KMT2D: variants seen among roughly 807,000 people sequenced by gnomAD.
KMT2D encodes the protein histone-lysine N-methyltransferase 2D.
Under a neutral mutation model 512.7 loss-of-function variants are expected in KMT2D, and 55 were observed. The ratio of observed to expected loss-of-function variants is 0.11; its 90% confidence interval spans 0.09 to 0.13. The LOEUF is 0.13. KMT2D is among the 10% of genes least tolerant of loss of function. The pLI is 1.00. For missense variants in KMT2D, 6,061 were observed against 7,127.9 expected (o/e 0.85, Z 5.39); for synonymous variants, 2,995 against 2,904.0 (o/e 1.03, Z -1.01).
In KMT2D at chr12:49,021,462, G is replaced by C. The variant is rs552632325; in HGVS notation, c.*318C>G. ...TCTTCCCCCACCCTGCTGCCTCCCA[G>C]ATGCTTCTGGGTAGTTCCCGGCCCA... On this transcript the variant is annotated 3_prime_UTR_variant, in exon 55 of 55. Transcript: ENST00000301067. 1.4e-4 allele frequency: 55 copies of C among 391,228 alleles called. No homozygotes were observed. The highest frequency in any genetic ancestry group is 1.0e-3 in the African/African-American group (50 of 49,444). 24.2% of individuals were successfully genotyped at this position (391,228 alleles called of 1,614,324 possible).
chr12:49,022,249 A>G lies in KMT2D; in HGVS notation c.16412+31T>C, dbSNP rs1163882409. 6.3e-7 allele frequency: 1 copy of G among 1,589,016 alleles called. No homozygotes were observed. On this transcript the variant is annotated intron_variant, in intron 53 of 54. Coordinates refer to ENST00000301067, the MANE Select transcript of KMT2D (RefSeq NM_003482.4). This position sits in a 1 kb window ranked among gnomAD's most constrained non-coding sequence, Gnocchi z 8.6. The stretch of plus-strand genomic sequence containing the variant: ...CCCCAGAGTGCCACTCTCAGGGACC[A>G]CTAAATCCCTCCTTCCTCGTCATCT...
rs572158148 is a variant in KMT2D, at chr12:49,034,485, A to T, written c.10441-9T>A. The T allele has an allele frequency of 4.9e-4, 789 of 1,613,416 alleles. 13 individuals are homozygous for T. In the South Asian group the frequency reaches 8.2e-3, roughly 17 times the overall value. On this transcript the variant is annotated splice_polypyrimidine_tract_variant and intron_variant, in intron 37 of 54. Transcript: ENST00000301067. ...TCACCAGCACTCCGCTCCTGCAATG[A>T]GAGAGGCTGCTAAAGGGTCATTGTT...
At position 49,044,718 on chromosome 12, in the gene KMT2D, C is replaced by T. The variant is rs1273680338; in HGVS notation, c.4963+26G>A. On this transcript the variant is annotated intron_variant, in intron 20 of 54. Transcript: ENST00000301067. This position sits in a 1 kb window ranked among gnomAD's most constrained non-coding sequence, Gnocchi z 6.4. ...CAGAGTCACGCTCCCCCTACTCTGC[C>T]GCTCCCTAAGATTCCCCAAGCTAAC... The T allele has an allele frequency of 1.1e-5, 17 of 1,601,366 alleles. No homozygotes were observed. Among genetic ancestry groups the T allele is most frequent in the Middle Eastern group, 1.7e-4 (1 of 6,032 alleles).
At position 49,032,319 on chromosome 12, in the gene KMT2D, G is replaced by T; in HGVS notation, c.12386C>A (p.Ser4129Tyr). 2 of 1,613,890 alleles carry T rather than the reference G, an allele frequency of 1.2e-6. No homozygotes were observed. The highest frequency in any genetic ancestry group is 8.5e-7 in the Non-Finnish European group (1 of 1,179,826). ...GGGCTGAGCCAGCAGGTGGGGCACA[G>T]ATGAGGCCTCAGAAGATGATCCACT... The part of the protein sequence containing the change: ...LGSGSSSEAS[S>Y]VPHLLAQPSV... The change falls in exon 40 of 55, where the codon TCT becomes TAT. Residue 4129 changes from serine (S) to tyrosine (Y), a missense_variant. Physicochemically the swap from Ser to Tyr is moderately radical, Grantham distance 144. Around this residue, in one of 16 missense-constraint regions of KMT2D, gnomAD observed 1,600 missense variants for 1,754.9 expected, o/e 0.91. Transcript: ENST00000301067.
rs772454314 is a variant in KMT2D, at chr12:49,041,545, G to T, written c.6235-10C>A. 1 of 1,613,302 alleles carries T rather than the reference G, an allele frequency of 6.2e-7. No individual in the cohort carries two copies. The highest frequency in any genetic ancestry group is 8.5e-7 in the Non-Finnish European group (1 of 1,179,552). On this transcript the variant is annotated splice_polypyrimidine_tract_variant and intron_variant, in intron 31 of 54. Transcript: ENST00000301067. The surrounding 1 kb of genome is among the most constrained non-coding windows in gnomAD (Gnocchi z 5.4). ...TCTGGCTCTCAGCCTGCTACAGGGGGAGACCAGGCATAGGGCAGTCAGGCT... is the reference window on the plus strand; with the variant it reads ...TCTGGCTCTCAGCCTGCTACAGGGGTAGACCAGGCATAGGGCAGTCAGGCT...
rs778370237 is a variant in KMT2D, at chr12:49,039,405, G to A, written c.8229+30C>T. On this transcript the variant is annotated intron_variant, in intron 33 of 54. Coordinates refer to ENST00000301067, the MANE Select transcript of KMT2D (RefSeq NM_003482.4). This position sits in a 1 kb window ranked among gnomAD's most constrained non-coding sequence, Gnocchi z 5.0. ...AAGGTGGAGCAACCTTCAATATCCT[G>A]GCCCCACTATCCCTTGCCACTCTAC... The A allele has an allele frequency of 3.1e-6, 5 of 1,604,404 alleles. No individual in the cohort carries two copies. The highest frequency in any genetic ancestry group is 1.1e-5 in the South Asian group (1 of 90,048).
Position 49,051,214 on chromosome 12 carries a change from GCA to G in KMT2D, c.2467_2468del (p.Cys823LeufsTer6). ...PHLSPVPEEP[C>X]LSPQPEESHL... is the part of the protein sequence containing the mutation. The stretch of plus-strand genomic sequence containing the variant: ...GTGATTCCTCAGGTTGGGGGGACAA[GCA>G]TGGCTCCTCAGGCACAGGAGACAGG... On this transcript the variant is annotated frameshift_variant, in exon 11 of 55. Transcript: ENST00000301067. LOFTEE classifies it high-confidence loss of function. 1.3e-6 allele frequency: 2 copies of G among 1,513,140 alleles called. No homozygotes were observed. The highest frequency in any genetic ancestry group is 1.4e-5 in the African/African-American group (1 of 71,174). 93.7% of individuals were successfully genotyped at this position (1,513,140 alleles called of 1,614,324 possible).
In KMT2D at chr12:49,034,270, ACTC is replaced by A; in HGVS notation, c.10534_10536del (p.Glu3512del). On this transcript the variant is annotated inframe_deletion, in exon 39 of 55. Transcript: ENST00000301067. ...AGGAGCTGCTGGGTATGGAACAGCC[ACTC>A]CTCATACTGCCGCTGGTCAGCTTCA... 1 of 1,613,096 alleles carries A rather than the reference ACTC, an allele frequency of 6.2e-7. No homozygotes were observed. Among genetic ancestry groups the A allele is most frequent in the South Asian group, 1.1e-5 (1 of 91,062 alleles).
In KMT2D at chr12:49,019,940, A is replaced by G. The variant is rs1340024305; in HGVS notation, c.*1840T>C. ...CCACCACCACCAAGCCCACCCCTAC[A>G]CTCCAGACATCTGATTCTTGAAAAT... On this transcript the variant is annotated 3_prime_UTR_variant, in exon 55 of 55. Coordinates refer to ENST00000301067, the MANE Select transcript of KMT2D (RefSeq NM_003482.4). The G allele has an allele frequency of 1.3e-5, 3 of 227,188 alleles. No homozygotes were observed. The highest frequency in any genetic ancestry group is 6.2e-5 in the East Asian group (1 of 16,070). The allele number at this position is 227,188 out of a possible 1,614,324, so 14.1% of individuals were successfully genotyped here.
chr12:49,042,474 C>T lies in KMT2D; in HGVS notation c.5867+87G>A. On this transcript the variant is annotated intron_variant, in intron 28 of 54. Coordinates refer to ENST00000301067, the MANE Select transcript of KMT2D (RefSeq NM_003482.4). This position sits in a 1 kb window ranked among gnomAD's most constrained non-coding sequence, Gnocchi z 4.4. ...ATGGGGAGGAGCAGGGGAAGTGCTG[C>T]AGGAGTCCGAGGGAGGCAAAGCATG... is the stretch of plus-strand genomic sequence containing the variant. 1 of 1,534,350 alleles carries T rather than the reference C, an allele frequency of 6.5e-7. No homozygotes were observed. Among genetic ancestry groups the T allele is most frequent in the Non-Finnish European group, 8.9e-7 (1 of 1,127,682 alleles).
Position 49,049,208 on chromosome 12 carries a change from C to T in KMT2D, c.3917G>A (p.Ser1306Asn), listed in dbSNP as rs2120632266. Residue 1306 changes from serine to asparagine, a missense_variant, in exon 13 of 55, where the codon AGC becomes AAC. Physicochemically the swap from Ser to Asn is conservative, Grantham distance 46 (BLOSUM62 1). Coordinates refer to ENST00000301067, the MANE Select transcript of KMT2D (RefSeq NM_003482.4). ...ARSRIKQGRS[S>N]SFPGRRRPRG... is the part of the protein sequence containing the mutation. The stretch of plus-strand genomic sequence containing the variant: ...AGGCCGGCGTCTTCCTGGGAAACTG[C>T]TGCTGCGACCCTGAGTGAAAGAAGG... The T allele has an allele frequency of 6.2e-7, 1 of 1,600,356 alleles. No homozygotes were observed. The highest frequency in any genetic ancestry group is 1.3e-5 in the African/African-American group (1 of 74,818).
intron 46 of KMT2D, 109 bp from the exon 47 acceptor site, chr12:49,028,250 T>C: frequency 4.4e-6 from 6 of 1,348,974 alleles, no homozygotes; most frequent in Non-Finnish European, 5.1e-6. Flanking sequence ...CTCCCCAGGG[T>C]AGTTCTATCC....
In KMT2D at chr12:49,030,954, T is replaced by C. The variant is rs769191239; in HGVS notation, c.13610A>G (p.Lys4537Arg). Residue 4537 changes from lysine (K) to arginine (R), a missense_variant, in exon 41 of 55, where the codon AAG becomes AGG. Around this residue, in one of 16 missense-constraint regions of KMT2D, gnomAD observed 1,600 missense variants for 1,754.9 expected, o/e 0.91. Coordinates refer to ENST00000301067, the MANE Select transcript of KMT2D (RefSeq NM_003482.4). The part of the protein sequence containing the change: ...KASDRLVSSR[K>R]KLRKEDGVRA... ...GACCCCGTCCTCCTTCCGCAGCTTC[T>C]TTCGGGAGCTCACCAACCTGTCGCT... 1.9e-6 allele frequency: 3 copies of C among 1,613,876 alleles called. No homozygotes were observed. In the African/African-American group the frequency reaches 4.0e-5, roughly 22 times the overall value.
intron 43 of KMT2D, among the ~76,000 whole-genome samples, chr12:49,029,921 C>G (rs1337465838): frequency 5.9e-5 from 9 of 152,138 alleles, no homozygotes; most frequent in African/African-American, 2.2e-4. Flanking sequence ...GAGGCTCACA[C>G]AAGTCAATCA....
rs2120371969 is a variant in KMT2D, at chr12:49,027,336, C to T, written c.14644-14G>A. The T allele has an allele frequency of 1.3e-6, 2 of 1,508,554 alleles. No homozygotes were observed. The highest frequency in any genetic ancestry group is 1.8e-6 in the Non-Finnish European group (2 of 1,131,372). 93.4% of individuals were successfully genotyped at this position (1,508,554 alleles called of 1,614,324 possible). ...GGCGGGGCTCTCCTGTAGGAGGGTG[C>T]CCTGTATCATTAGTGCCAGCTCCTC... is the stretch of plus-strand genomic sequence containing the variant. On this transcript the variant is annotated splice_polypyrimidine_tract_variant and intron_variant, in intron 48 of 54. Coordinates refer to ENST00000301067, the MANE Select transcript of KMT2D (RefSeq NM_003482.4).
At position 49,054,237 on chromosome 12, in the gene KMT2D, A is replaced by G. The variant is rs749454912; in HGVS notation, c.510+70T>C. ...CCCCAGTATACCCATGGTCCTTCTC[A>G]TTCCAACCTGACTCTCAGAAGCCCA... On this transcript the variant is annotated intron_variant, in intron 5 of 54. Transcript: ENST00000301067. The surrounding 1 kb of genome is among the most constrained non-coding windows in gnomAD (Gnocchi z 6.4). 150 of 1,537,490 alleles carry G rather than the reference A, an allele frequency of 9.8e-5. No individual in the cohort carries two copies. The highest frequency in any genetic ancestry group is 1.2e-4 in the Non-Finnish European group (141 of 1,134,768).
At chr12:49,049,607 G>C (rs1044838907) in intron 12 of KMT2D, 75 bp downstream of exon 12, 1 of 1,437,394 alleles carries the variant, frequency 7.0e-7, no homozygotes, top group South Asian at 1.5e-5. Flanking sequence ...AGGTGGGAAA[G>C]TATCAGTGAC....
rs1943555579 is a variant in KMT2D at position 49,041,981 on chromosome 12, C to G, written c.6119G>C (p.Ser2040Thr). The G allele has an allele frequency of 6.2e-7, 1 of 1,612,268 alleles. No individual in the cohort carries two copies. Among genetic ancestry groups the G allele is most frequent in the Non-Finnish European group, 8.5e-7 (1 of 1,179,214 alleles). ...GAGCTTCATGATTTGTTTGCAACGG[C>G]TTGACCAGTCTGGAGGGCAGAGAGA... ...NLKQDYPDWS[S>T]RCKQIMKLWR... The change falls in exon 30 of 55, where the codon AGC (serine) becomes ACC (threonine). Residue 2040 changes from serine (S) to threonine (T), a missense_variant. Physicochemically the swap from Ser to Thr is moderately conservative, Grantham distance 58. Around this residue, in one of 16 missense-constraint regions of KMT2D, gnomAD observed 640 missense variants for 814.3 expected, o/e 0.79. Coordinates refer to ENST00000301067, the MANE Select transcript of KMT2D (RefSeq NM_003482.4). This position sits in a 1 kb window ranked among gnomAD's most constrained non-coding sequence, Gnocchi z 5.4.
At position 49,053,534 on chromosome 12, in the gene KMT2D, T is replaced by C. The variant is rs1391527793; in HGVS notation, c.781A>G (p.Thr261Ala). 3.7e-6 allele frequency: 6 copies of C among 1,603,946 alleles called. No homozygotes were observed. Among genetic ancestry groups the C allele is most frequent in the Non-Finnish European group, 5.1e-6 (6 of 1,175,234 alleles). ...TGCCAGCCAGCACGTTTGCGGGCAGTCAGAGCAGTGTCCAGGCAGGCCCCG... is the reference window on the plus strand; with the variant it reads ...TGCCAGCCAGCACGTTTGCGGGCAGCCAGAGCAGTGTCCAGGCAGGCCCCG... ...YHGACLDTALTARKRAGWQCP... is the reference protein window; with the variant it reads ...YHGACLDTALAARKRAGWQCP... The change falls in exon 7 of 55, where the codon ACT (threonine) becomes GCT (alanine). Residue 261 changes from threonine (T) to alanine (A), a missense_variant. Coordinates refer to ENST00000301067, the MANE Select transcript of KMT2D (RefSeq NM_003482.4).
Sources: gnomAD v4.1 joint callset for allele counts (sites outside exome capture counted in the v4.1 genomes callset) on GRCh38, gnomAD v4.1.1 for gene constraint, gnomAD v4.1.1 regional missense constraint, Gnocchi (gnomAD v3.1) non-coding constraint, MANE v1.5 for transcripts, NCBI Gene and HGNC (gene_info 2026-07-23, HGNC 2026-07-21) for gene names.